The following CDH7 variants were observed in gnomAD, a reference collection of about 807,000 sequenced individuals.
CDH7 encodes cadherin 7, also known as cadherin-7.
In CDH7, 25 loss-of-function variants were observed where a neutral mutation model predicts 71.8. That is an observed-to-expected ratio of 0.35 (90% CI 0.25 to 0.49). CDH7 has a LOEUF of 0.49. Ranked by LOEUF, CDH7 falls within the 20% of genes least tolerant of loss-of-function variation. The pLI is 0.99. For missense variants in CDH7, 862 were observed against 974.6 expected (o/e 0.88, Z 1.54); for synonymous variants, 381 against 363.8 (o/e 1.05, Z -0.54).
intron 7 of CDH7, among the ~76,000 whole-genome samples, chr18:65,853,365 C>A (rs531481143): frequency 6.3e-5 from 9 of 142,084 alleles, no homozygotes; most frequent in African/African-American, 2.0e-4. Flanking sequence ...TTTCAGACTT[C>A]TTTTAGGGCC....
Position 65,833,979 on chromosome 18 carries a change from A to T in CDH7, c.981+9148A>T, listed in dbSNP as rs138045904. Among the ~76,000 whole-genome samples the T allele has an allele frequency of 3.6e-3, 542 of 152,276 alleles. 3 individuals carry two copies. Among genetic ancestry groups the T allele is most frequent in the African/African-American group, 0.012 (501 of 41,558 alleles). On this transcript the variant is annotated intron_variant, in intron 6 of 11. Coordinates refer to ENST00000397968, the MANE Select transcript of CDH7 (RefSeq NM_004361.5). ...ATCAAAGATGTTTTCCAGTGAGTCC[A>T]TTATGGAATTTATTTTGCTGAGTAC...
At chr18:65,856,977 A>G (rs1420279230) in intron 7 of CDH7, among the ~76,000 whole-genome samples, 1 of 151,472 alleles carries the variant, frequency 6.6e-6, no homozygotes, top group African/African-American at 2.4e-5. Context: ...ACTTTGAAAC[A>G]TGTCTTTAGA....
intron 2 of CDH7, among the ~76,000 whole-genome samples, chr18:65,796,940 C>A (rs1423845937): frequency 3.9e-5 from 6 of 152,008 alleles, no homozygotes; most frequent in Non-Finnish European, 8.8e-5. Flanking sequence ...AAATAGGAAA[C>A]CTATTACAGT....
chr18:65,853,501 A>T (rs113550973), intron 7 of CDH7, among the ~76,000 whole-genome samples: 1,666 of 151,646 alleles, frequency 0.011, 11 homozygotes, highest in Non-Finnish European at 0.016. Flanking sequence ...TTCTCAAGTG[A>T]CTTTATACAT....
In CDH7 at chr18:65,824,659, A is replaced by T; in HGVS notation, c.809A>T (p.Asn270Ile). Residue 270 changes from asparagine (N) to isoleucine (I), a missense_variant, in exon 6 of 12, where the codon AAC (asparagine) becomes ATC (isoleucine). Coordinates refer to ENST00000397968, the MANE Select transcript of CDH7 (RefSeq NM_004361.5). ...AATTTCACAGGGTCTTATCAATATA[A>T]CGTCCCAGAGTCATTACCTGTAGCC... is the stretch of plus-strand genomic sequence containing the variant. ...PRFPRRSYQY[N>I]VPESLPVASV... is the part of the protein sequence containing the mutation. The T allele has an allele frequency of 6.3e-7, 1 of 1,579,578 alleles. No homozygotes were observed. Among genetic ancestry groups the T allele is most frequent in the Non-Finnish European group, 8.6e-7 (1 of 1,161,348 alleles).
At chr18:65,803,926 A>G (rs913300121) in intron 2 of CDH7, 55 of 151,556 alleles carry the variant, frequency 3.6e-4, no homozygotes, top group African/African-American at 1.3e-3. Flanking sequence ...ACACAAATGC[A>G]ATAGCAGTAT....
At chr18:65,794,280 G>T (rs1205583891) in intron 2 of CDH7, among the ~76,000 whole-genome samples, 1 of 151,960 alleles carries the variant, frequency 6.6e-6, no homozygotes, top group African/African-American at 2.4e-5. Flanking sequence ...GTGGAAAGTT[G>T]TAGGGAACTA....
chr18:65,814,670 T>A (rs1911662219), intron 4 of CDH7, 66 bp downstream of exon 4: 1 of 1,431,062 alleles, frequency 7.0e-7, no homozygotes, highest in East Asian at 2.3e-5. Context: ...TTAATATTAT[T>A]TCTAAATATA....
At chr18:65,776,401 C>CAG (rs1555681615) in intron 2 of CDH7, among the ~76,000 whole-genome samples, 1,436 of 124,470 alleles carry the variant, frequency 0.012, 12 homozygotes, top group East Asian at 0.016. Context: ...CACACACACA[C>CAG]AGAGAGAGAG....
chr18:65,871,453 A>G (rs1407938962), intron 11 of CDH7, among the ~76,000 whole-genome samples: 1 of 152,208 alleles, frequency 6.6e-6, no homozygotes, highest in Non-Finnish European at 1.5e-5. Context: ...TGCAACGCAG[A>G]TGAGGTCCTT....
chr18:65,842,163 CTG>C (rs1237352269), intron 6 of CDH7, among the ~76,000 whole-genome samples: 2 of 151,994 alleles, frequency 1.3e-5, no homozygotes, highest in African/African-American at 4.8e-5. Flanking sequence ...CACTGAATAT[CTG>C]TGTTCTAATT....
intron 11 of CDH7, among the ~76,000 whole-genome samples, chr18:65,879,418 T>C (rs1294719570): frequency 6.6e-6 from 1 of 152,220 alleles, no homozygotes; most frequent in Non-Finnish European, 1.5e-5. Flanking sequence ...TATTTGTAGA[T>C]GAATAAAGGT....
intron 8 of CDH7, among the ~76,000 whole-genome samples, 154 bp from the exon 9 acceptor site, chr18:65,858,771 T>C (rs1913455305): frequency 6.6e-6 from 1 of 152,058 alleles, no homozygotes; most frequent in Admixed American, 6.6e-5. Flanking sequence ...AATGTGTGTG[T>C]GTATTTGGAT....
chr18:65,854,050 A>T (rs1057422898), intron 7 of CDH7, among the ~76,000 whole-genome samples: 1 of 150,098 alleles, frequency 6.7e-6, no homozygotes, highest in African/African-American at 2.4e-5. Flanking sequence ...CAAGCCTGTA[A>T]TCCTAACACT....
intron 2 of CDH7, among the ~76,000 whole-genome samples, chr18:65,770,907 C>T (rs1916522364): frequency 6.6e-6 from 1 of 152,074 alleles, no homozygotes; most frequent in Admixed American, 6.6e-5. Flanking sequence ...AACAAAATAT[C>T]AGATTAGATA....
chr18:65,812,899 G>A (rs1166713892), intron 3 of CDH7, among the ~76,000 whole-genome samples: 1 of 152,178 alleles, frequency 6.6e-6, no homozygotes, highest in Admixed American at 6.5e-5. Flanking sequence ...ACATATAGAG[G>A]AAAGAGAGAA....
At chr18:65,824,937 A>G (rs976775246) in intron 6 of CDH7, 106 bp downstream of exon 6, 5 of 398,994 alleles carry the variant, frequency 1.3e-5, no homozygotes, top group African/African-American at 4.7e-5. Flanking sequence ...GACCATTACT[A>G]TTTTAATTTT....
At position 65,890,115 on chromosome 18, in the gene CDH7, C is replaced by T. The variant is rs1200217418; in HGVS notation, c.*9221C>T. The T allele has an allele frequency of 6.6e-6, 1 of 152,082 alleles. No individual in the cohort carries two copies. Among genetic ancestry groups the T allele is most frequent in the Non-Finnish European group, 1.5e-5 (1 of 67,990 alleles). The allele number at this position is 152,082 out of a possible 1,614,324, so 9.4% of individuals were successfully genotyped here. ...ATTTTTTAATGGTAGCTTAACTTCA[C>T]CTGAAGCCTCCTATGCCACTATCTT... On this transcript the variant is annotated 3_prime_UTR_variant, in exon 12 of 12. Transcript: ENST00000397968.
intron 6 of CDH7, among the ~76,000 whole-genome samples, chr18:65,826,385 A>G (rs1388734093): frequency 6.6e-6 from 1 of 151,280 alleles, no homozygotes; most frequent in Non-Finnish European, 1.5e-5. Flanking sequence ...CCCTGAAAAT[A>G]TAGAAACATT....
Sources: allele counts gnomAD v4.1 joint callset (sites outside exome capture counted in the v4.1 genomes callset), GRCh38; gene constraint gnomAD v4.1.1; transcripts MANE v1.5; gene names NCBI Gene and HGNC (gene_info 2026-07-23, HGNC 2026-07-21).